FGD4: variants seen among roughly 807,000 people sequenced by gnomAD.
FGD4 encodes the protein FYVE, RhoGEF and PH domain containing 4, also known as FYVE, RhoGEF and PH domain-containing protein 4.
A neutral mutation model predicts 102.0 loss-of-function variants in FGD4; 42 were observed. The observed-to-expected ratio is 0.41, with a 90% CI of 0.32 to 0.53. The LOEUF (loss-of-function observed/expected upper bound fraction) is 0.53, where lower values mean the gene tolerates loss of function less well. FGD4 is among the 20% of genes least tolerant of loss of function. FGD4 has a pLI of 0.21. For missense variants in FGD4, 902 were observed against 1,078.2 expected (o/e 0.84, Z 2.29); for synonymous variants, 380 against 375.7 (o/e 1.01, Z -0.13).
chr12:32,626,176 G>A (rs533201543), intron 14 of FGD4, among the ~76,000 whole-genome samples: 272 of 152,330 alleles, frequency 1.8e-3, no homozygotes, highest in African/African-American at 5.8e-3. Flanking sequence ...TGGGCGCAGT[G>A]GCTTACGCCT....
At chr12:32,578,586 T>A (rs1011326377) in intron 3 of FGD4, among the ~76,000 whole-genome samples, 1 of 152,120 alleles carries the variant, frequency 6.6e-6, no homozygotes, top group Non-Finnish European at 1.5e-5. Context: ...TCCCAGCACT[T>A]TGGGAGGCCA....
intron 1 of FGD4, chr12:32,486,277 G>A (rs1943897226): frequency 1.6e-5 from 14 of 894,628 alleles, no homozygotes; most frequent in Non-Finnish European, 2.1e-5. Context: ...ATAATAATTT[G>A]TACCACGATG....
chr12:32,489,522 G>T (rs1565772697), intron 1 of FGD4, among the ~76,000 whole-genome samples: 1 of 152,170 alleles, frequency 6.6e-6, no homozygotes, highest in African/African-American at 2.4e-5. Flanking sequence ...TAGCAGAAAT[G>T]CTACAGACTT....
intron 1 of FGD4, among the ~76,000 whole-genome samples, chr12:32,485,151 C>T (rs1296361378): frequency 6.6e-6 from 1 of 152,152 alleles, no homozygotes; most frequent in Non-Finnish European, 1.5e-5. Context: ...AAACATAAAA[C>T]ATTCATTTTA....
In FGD4 at chr12:32,580,234, T is replaced by C. The variant is rs138025005; in HGVS notation, c.504-1726T>C. The stretch of plus-strand genomic sequence containing the variant: ...GGCCACCTTAATTTCTAAGCCTAGA[T>C]TTCTCTATGGGATCCCTGTCTTTGG... On this transcript the variant is annotated intron_variant, in intron 3 of 16. Transcript: ENST00000534526. 2.3e-3 allele frequency among the ~76,000 whole-genome samples: 346 copies of C among 152,254 alleles called. 1 individual carries two copies. Among genetic ancestry groups the C allele is most frequent in the African/African-American group, 6.9e-3 (286 of 41,556 alleles).
chr12:32,429,546 T>C (rs1022065193), intron 1 of FGD4, among the ~76,000 whole-genome samples: 3 of 152,244 alleles, frequency 2.0e-5, no homozygotes, highest in Non-Finnish European at 4.4e-5. Flanking sequence ...TTAGCAGGGC[T>C]CAAGCGCTTT....
rs191475816 is a variant in FGD4, at chr12:32,463,878, A to G, written c.166+63919A>G. Among the ~76,000 whole-genome samples the G allele has an allele frequency of 7.2e-5, 11 of 152,308 alleles. 1 individual carries two copies. The East Asian group carries it at 1.7e-3, about 24-fold the overall frequency. ...AATGGCAGAAGAAGATTTATTTGCT[A>G]TTTATTTGCTACTTGGATTTAGAAT... is the stretch of plus-strand genomic sequence containing the variant. On this transcript the variant is annotated intron_variant, in intron 1 of 16. Transcript: ENST00000534526.
rs1756900111 is a variant in FGD4, at chr12:32,632,372, CAG to C, written c.2173-1173_2173-1172del. Among the ~76,000 whole-genome samples the C allele has an allele frequency of 1.3e-5, 2 of 152,202 alleles. 1 individual carries two copies. The highest frequency in any genetic ancestry group is 4.1e-4 in the South Asian group (2 of 4,832). ...GTAGTCAGTGCTATGAAAGAAAACA[CAG>C]AGAACACTGACAGTAGACACTCTGT... On this transcript the variant is annotated intron_variant, in intron 14 of 16. Transcript: ENST00000534526.
chr12:32,519,687 G>A (rs10734804), intron 1 of FGD4, among the ~76,000 whole-genome samples: 1 of 152,004 alleles, frequency 6.6e-6, no homozygotes, highest in Non-Finnish European at 1.5e-5. Context: ...CTTGTAATCC[G>A]AGCACTTTGG....
chr12:32,480,254 C>A (rs1477166482), intron 1 of FGD4, among the ~76,000 whole-genome samples: 1 of 151,786 alleles, frequency 6.6e-6, no homozygotes, highest in Non-Finnish European at 1.5e-5. Context: ...CTCCGCCTGC[C>A]AGGTTCACAC....
At chr12:32,502,371 TA>T in intron 1 of FGD4, 1 of 984,122 alleles carries the variant, frequency 1.0e-6, no homozygotes, top group African/African-American at 1.7e-5. Flanking sequence ...ATCCAGTTTG[TA>T]GTACGTTTGT....
chr12:32,601,459 C>T (rs759218021), intron 6 of FGD4, 36 bp downstream of exon 6: 42 of 1,588,912 alleles, frequency 2.6e-5, no homozygotes, highest in Non-Finnish European at 3.5e-5. Context: ...ATGTTTAAGG[C>T]AGTCATGCTG....
At position 32,567,388 on chromosome 12, in the gene FGD4, G is replaced by A. The variant is rs116841023; in HGVS notation, c.319+3099G>A. 1.1e-3 allele frequency among the ~76,000 whole-genome samples: 161 copies of A among 152,210 alleles called. No homozygotes were observed. The Middle Eastern group carries it at 0.024, about 23-fold the overall frequency. ...TCTAGGTGAGTAGTTCTCAAGCGGA[G>A]ACAGTTTTGCCCACACTTGCATATC... On this transcript the variant is annotated intron_variant, in intron 2 of 16. Coordinates refer to ENST00000534526, the MANE Select transcript of FGD4 (RefSeq NM_001370298.3).
intron 1 of FGD4, among the ~76,000 whole-genome samples, chr12:32,537,781 G>A (rs1238054833): frequency 6.6e-6 from 1 of 152,214 alleles, no homozygotes; most frequent in African/African-American, 2.4e-5. Context: ...AGCTAGCAGA[G>A]TATTAGTGAG....
chr12:32,513,665 G>T (rs17609311), intron 1 of FGD4, among the ~76,000 whole-genome samples: 3,317 of 152,290 alleles, frequency 0.022, 76 homozygotes, highest in South Asian at 0.069. Flanking sequence ...GAGTAAAAGT[G>T]CCAGGACTTA....
In FGD4 at chr12:32,641,323, TAAG is replaced by T. The variant is rs1232824295; in HGVS notation, c.*791_*793del. 6.6e-6 allele frequency: 1 copy of T among 152,170 alleles called. No homozygotes were observed. 9.4% of individuals were successfully genotyped at this position (152,170 alleles called of 1,614,324 possible). ...TTTGAGGGTATTGATATTTTTATAA[TAAG>T]CGGTAATTTATGTGGCATGGGATAT... On this transcript the variant is annotated 3_prime_UTR_variant, in exon 17 of 17. Transcript: ENST00000534526.
At chr12:32,600,482 C>T in intron 5 of FGD4, 2 of 1,274,606 alleles carry the variant, frequency 1.6e-6, no homozygotes, top group Non-Finnish European at 2.0e-6. Context: ...CTCCTTCTGC[C>T]TACATGTAAC....
intron 1 of FGD4, among the ~76,000 whole-genome samples, chr12:32,475,786 A>C (rs972447409): frequency 1.3e-5 from 2 of 152,228 alleles, no homozygotes; most frequent in African/African-American, 4.8e-5. Context: ...TAGAGGCTCT[A>C]CTTTACTGCT....
intron 1 of FGD4, among the ~76,000 whole-genome samples, chr12:32,515,714 C>T (rs892330428): frequency 6.6e-6 from 1 of 152,154 alleles, no homozygotes; most frequent in Non-Finnish European, 1.5e-5. Context: ...CTTGTTTCCT[C>T]TTGAATTAAT....
Sources: allele counts gnomAD v4.1 joint callset (sites outside exome capture counted in the v4.1 genomes callset), GRCh38; gene constraint gnomAD v4.1.1; transcripts MANE v1.5; gene names NCBI Gene and HGNC (gene_info 2026-07-23, HGNC 2026-07-21).